Variants in PCDHGA6 observed in about 807,000 individuals in gnomAD.
The protein encoded by PCDHGA6 is protocadherin gamma-A6.
PCDHGA6 carries 41 observed loss-of-function variants against 60.6 expected under a neutral mutation model. The observed-to-expected ratio is 0.68, with a 90% CI of 0.53 to 0.88. The LOEUF (loss-of-function observed/expected upper bound fraction) is 0.88, where lower values mean the gene tolerates loss of function less well. Ranked by LOEUF, PCDHGA6 falls within the 40% of genes least tolerant of loss-of-function variation. The probability of loss-of-function intolerance (pLI) is 0.00; values close to 1 mark genes in which losing one functional copy is unlikely to be tolerated. For synonymous variants in PCDHGA6, 594 were observed against 524.4 expected (o/e 1.13, Z -1.81); for missense variants, 1,312 against 1,203.0 (o/e 1.09, Z -1.34).
intron 1 of PCDHGA6, chr5:141,423,945 A>T (rs931771609): frequency 4.1e-6 from 5 of 1,207,688 alleles, no homozygotes; most frequent in Non-Finnish European, 4.1e-6. Context: ...AGTAAGTTGA[A>T]TTTTAGTATT....
Position 141,374,926 on chromosome 5 carries a change from T to G in PCDHGA6, c.843T>G (p.Phe281Leu). ...EGVHGEVTYS[F>L]VKITEKISQI... ...TCCACGGGGAAGTAACTTATTCCTT[T>G]GTGAAGATTACAGAAAAGATCTCAC... is the stretch of plus-strand genomic sequence containing the variant. The change falls in exon 1 of 4, where the codon TTT (phenylalanine) becomes TTG (leucine). Residue 281 changes from phenylalanine (F) to leucine (L), a missense_variant. Coordinates refer to ENST00000517434, the MANE Select transcript of PCDHGA6 (RefSeq NM_018919.3). The G allele has an allele frequency of 3.1e-6, 5 of 1,613,970 alleles. No individual in the cohort carries two copies. In the South Asian group the frequency reaches 5.5e-5, roughly 18 times the overall value.
At chr5:141,383,700 C>T (rs753632881) in intron 1 of PCDHGA6, 1 of 1,613,936 alleles carries the variant, frequency 6.2e-7, no homozygotes, top group East Asian at 2.2e-5. Flanking sequence ...TACATGCTAT[C>T]GACCTGGACG....
intron 1 of PCDHGA6, chr5:141,403,774 C>T (rs1350465491): frequency 1.9e-6 from 3 of 1,613,668 alleles, no homozygotes; most frequent in Non-Finnish European, 1.7e-6. Flanking sequence ...AGGGAATCAA[C>T]GGAAAAGTGG....
intron 1 of PCDHGA6, chr5:141,423,483 A>G (rs767321755): frequency 1.9e-6 from 3 of 1,613,974 alleles, no homozygotes; most frequent in Middle Eastern, 3.3e-4. Flanking sequence ...CTTTCCTGCA[A>G]ACCTATTCCC....
At chr5:141,421,797 C>T in intron 1 of PCDHGA6, 1 of 1,613,744 alleles carries the variant, frequency 6.2e-7, no homozygotes, top group Non-Finnish European at 8.5e-7. Context: ...CGGATGGGGC[C>T]AAGAATCCAG....
chr5:141,451,007 T>A (rs2098704118), intron 1 of PCDHGA6, among the ~76,000 whole-genome samples: 1 of 151,594 alleles, frequency 6.6e-6, no homozygotes, highest in Non-Finnish European at 1.5e-5. Flanking sequence ...TTGTATTTTT[T>A]TTAGTAGAGA....
At position 141,490,054 on chromosome 5, in the gene PCDHGA6, G is replaced by A. The variant is rs2099695440; in HGVS notation, c.2425-4753G>A. The A allele has an allele frequency of 6.2e-7, 1 of 1,614,104 alleles. No individual in the cohort carries two copies. The highest frequency in any genetic ancestry group is 1.3e-5 in the African/African-American group (1 of 74,944). ...CCTCAATGCCACTGATCCAGACGAG[G>A]GCACCAACGGCCAACTAGACTATTC... On this transcript the variant is annotated intron_variant, in intron 1 of 3. Transcript: ENST00000517434. This position sits in a 1 kb window ranked among gnomAD's most constrained non-coding sequence, Gnocchi z 5.4.
At chr5:141,436,181 T>C (rs1050736907) in intron 1 of PCDHGA6, among the ~76,000 whole-genome samples, 2 of 152,092 alleles carry the variant, frequency 1.3e-5, no homozygotes, top group African/African-American at 4.8e-5. Flanking sequence ...TCATATATAG[T>C]CAAATAGAAA....
intron 1 of PCDHGA6, among the ~76,000 whole-genome samples, chr5:141,443,656 A>G (rs139300845): frequency 1.3e-5 from 2 of 152,374 alleles, no homozygotes; most frequent in East Asian, 3.8e-4. Flanking sequence ...TTAGCATAGC[A>G]TTTTACTGAA....
At chr5:141,413,066 A>T in intron 1 of PCDHGA6, 2 of 1,161,944 alleles carry the variant, frequency 1.7e-6, no homozygotes, top group Non-Finnish European at 2.4e-6. Flanking sequence ...TCCAGAATTT[A>T]AAGTGCCCAG....
rs770357830 is a variant in PCDHGA6 at position 141,392,977 on chromosome 5, A to G, written c.2424+16470A>G. On this transcript the variant is annotated intron_variant, in intron 1 of 3. Coordinates refer to ENST00000517434, the MANE Select transcript of PCDHGA6 (RefSeq NM_018919.3). ...AATATCTCCAAGGACCTGGGGCTGG[A>G]CCCCCGGAAGCTGGCGAAGCACGGA... 1.9e-6 allele frequency: 3 copies of G among 1,613,560 alleles called. No homozygotes were observed. The highest frequency in any genetic ancestry group is 4.5e-5 in the East Asian group (2 of 44,876).
chr5:141,456,026 T>A (rs2098840894), intron 1 of PCDHGA6, among the ~76,000 whole-genome samples: 1 of 151,690 alleles, frequency 6.6e-6, no homozygotes, highest in African/African-American at 2.4e-5. Context: ...GCCTCCCGAG[T>A]AGCTGGGACT....
chr5:141,428,111 C>G (rs760446304), intron 1 of PCDHGA6: 2 of 1,607,622 alleles, frequency 1.2e-6, no homozygotes, highest in Non-Finnish European at 1.7e-6. Context: ...TGCTGCAGGC[C>G]ATCGAGCCCG....
chr5:141,499,689 CTTTTTTTT>C (rs545067566), intron 2 of PCDHGA6, among the ~76,000 whole-genome samples: 2 of 119,856 alleles, frequency 1.7e-5, no homozygotes, highest in Non-Finnish European at 3.5e-5. Flanking sequence ...TAACAGATGA[CTTTTTTTT>C]TTTTTTTTTT....
intron 1 of PCDHGA6, among the ~76,000 whole-genome samples, chr5:141,484,797 G>C (rs1228143036): frequency 6.6e-6 from 1 of 152,064 alleles, no homozygotes; most frequent in Non-Finnish European, 1.5e-5. Flanking sequence ...ATAACAACCC[G>C]TGGAAAAACA....
chr5:141,427,905 A>G (rs754321006), intron 1 of PCDHGA6: 1 of 1,574,682 alleles, frequency 6.4e-7, no homozygotes, highest in South Asian at 1.1e-5. Context: ...GCCCGCGCTC[A>G]GCGCCAACAT....
chr5:141,482,859 G>A (rs1371172226), intron 1 of PCDHGA6, among the ~76,000 whole-genome samples: 3 of 148,230 alleles, frequency 2.0e-5, no homozygotes, highest in Admixed American at 6.7e-5. Flanking sequence ...ATCACTTGAG[G>A]TCAGGAGTTT....
At chr5:141,383,385 G>A in intron 1 of PCDHGA6, 2 of 1,613,962 alleles carry the variant, frequency 1.2e-6, no homozygotes, top group South Asian at 2.2e-5. Flanking sequence ...ATCCAGATGT[G>A]GGCACGAACT....
At chr5:141,461,819 A>T (rs573339238) in intron 1 of PCDHGA6, among the ~76,000 whole-genome samples, 68 of 149,282 alleles carry the variant, frequency 4.6e-4, no homozygotes, top group Non-Finnish European at 9.5e-4. Flanking sequence ...ACACCCAGCT[A>T]ATTTTTTTTT....
Sources: gnomAD v4.1 joint callset for allele counts (sites outside exome capture counted in the v4.1 genomes callset) on GRCh38, gnomAD v4.1.1 for gene constraint, Gnocchi (gnomAD v3.1) non-coding constraint, MANE v1.5 for transcripts, NCBI Gene and HGNC (gene_info 2026-07-23, HGNC 2026-07-21) for gene names.